PLCB1: variants seen among roughly 807,000 people sequenced by gnomAD.
PLCB1 encodes the protein 1-phosphatidylinositol 4,5-bisphosphate phosphodiesterase beta-1.
PLCB1 carries 46 observed loss-of-function variants against 161.8 expected under a neutral mutation model. The observed-to-expected ratio is 0.28, with a 90% CI of 0.22 to 0.36. The LOEUF (loss-of-function observed/expected upper bound fraction) is 0.36. PLCB1 is among the 10% of genes least tolerant of loss of function. The pLI is 1.00. For missense variants in PLCB1, 1,016 were observed against 1,472.5 expected, an observed-to-expected ratio of 0.69 and a Z score of 5.07; for synonymous variants, 517 against 503.7, an observed-to-expected ratio of 1.03 and a Z score of -0.35.
At chr20:8,721,041 C>T (rs188653293) in intron 14 of PLCB1, among the ~76,000 whole-genome samples, 186 of 152,222 alleles carry the variant, frequency 1.2e-3, no homozygotes, top group African/African-American at 4.4e-3. Flanking sequence ...TGTGGCTTTC[C>T]TTAATAAACA....
chr20:8,193,132 G>A (rs2051987174), intron 2 of PLCB1, among the ~76,000 whole-genome samples: 1 of 151,984 alleles, frequency 6.6e-6, no homozygotes, highest in South Asian at 2.1e-4. Context: ...GTATTTTGTA[G>A]GAGATGCTGT....
intron 2 of PLCB1, among the ~76,000 whole-genome samples, chr20:8,163,527 C>T (rs1052761237): frequency 5.3e-5 from 8 of 152,194 alleles, no homozygotes; most frequent in South Asian, 4.1e-4. Flanking sequence ...AAATCTATAT[C>T]GCAGTGTGCA....
At chr20:8,689,615 T>C (rs6056017) in intron 10 of PLCB1, among the ~76,000 whole-genome samples, 88,184 of 151,676 alleles carry the variant, frequency 0.58, 27,075 homozygotes, top group South Asian at 0.71. Flanking sequence ...AACCTTATAA[T>C]AGTATTAAGA....
intron 9 of PLCB1, among the ~76,000 whole-genome samples, chr20:8,681,438 G>T (rs535784450): frequency 6.6e-6 from 1 of 152,212 alleles, no homozygotes; most frequent in East Asian, 1.9e-4. Flanking sequence ...ATTGGCCTAT[G>T]TTGTTGTTTT....
At chr20:8,717,628 A>C (rs931180212) in intron 13 of PLCB1, 43 bp from the exon 14 acceptor site, 2 of 1,492,318 alleles carry the variant, frequency 1.3e-6, no homozygotes, top group African/African-American at 2.8e-5. Context: ...GATCTGAAAG[A>C]GGGAGCAGTA....
chr20:8,790,054 T>G, intron 30 of PLCB1, 121 bp from the exon 31 acceptor site: 1 of 673,666 alleles, frequency 1.5e-6, no homozygotes, highest in Non-Finnish European at 2.6e-6. Context: ...AGTGTAGTTC[T>G]TGATCAGGAG....
At chr20:8,672,593 G>A (rs1036100368) in intron 9 of PLCB1, among the ~76,000 whole-genome samples, 4 of 152,028 alleles carry the variant, frequency 2.6e-5, no homozygotes, top group Non-Finnish European at 5.9e-5. Flanking sequence ...TATGCATACC[G>A]AGCAGGGAAG....
intron 31 of PLCB1, among the ~76,000 whole-genome samples, chr20:8,840,080 G>C (rs549164020): frequency 4.2e-4 from 64 of 151,650 alleles, no homozygotes; most frequent in African/African-American, 1.5e-3. Flanking sequence ...AATCAGGGCT[G>C]ATTTATATGT....
chr20:8,763,892 G>T (rs1982173419), intron 25 of PLCB1, among the ~76,000 whole-genome samples: 1 of 151,988 alleles, frequency 6.6e-6, no homozygotes, highest in South Asian at 2.1e-4. Context: ...AGCCAGGCAT[G>T]GTGACTCATG....
chr20:8,648,546 TTTTAAATCAAA>T (rs1277594217), intron 6 of PLCB1, among the ~76,000 whole-genome samples: 1 of 152,200 alleles, frequency 6.6e-6, no homozygotes, highest in Non-Finnish European at 1.5e-5. Flanking sequence ...TAAGTTCTAT[TTTTAAATCAAA>T]TTAGTAACGA....
At chr20:8,670,172 T>C (rs1358727345) in intron 9 of PLCB1, among the ~76,000 whole-genome samples, 1 of 152,234 alleles carries the variant, frequency 6.6e-6, no homozygotes, top group Admixed American at 6.5e-5. Flanking sequence ...ATCTGGATTC[T>C]GTTCTTATCT....
intron 3 of PLCB1, among the ~76,000 whole-genome samples, chr20:8,380,890 C>T (rs1217787983): frequency 6.6e-6 from 1 of 152,108 alleles, no homozygotes. Flanking sequence ...TTGCTGCAGA[C>T]AGAGACAAGT....
At chr20:8,442,076 T>A (rs1235149257) in intron 3 of PLCB1, among the ~76,000 whole-genome samples, 1 of 152,208 alleles carries the variant, frequency 6.6e-6, no homozygotes, top group Non-Finnish European at 1.5e-5. Flanking sequence ...CATTTGTTAA[T>A]GTGTGCATGT....
At chr20:8,871,270 A>G (rs1987599904) in intron 31 of PLCB1, among the ~76,000 whole-genome samples, 1 of 152,220 alleles carries the variant, frequency 6.6e-6, no homozygotes, top group African/African-American at 2.4e-5. Context: ...ACTTACATAT[A>G]TACCTGTAGA....
chr20:8,166,966 T>A (rs2051682138), intron 2 of PLCB1, among the ~76,000 whole-genome samples: 1 of 152,192 alleles, frequency 6.6e-6, no homozygotes. Context: ...GCTCCCGTAT[T>A]AGGTTTTTGA....
At chr20:8,615,364 C>T (rs994353424) in intron 3 of PLCB1, among the ~76,000 whole-genome samples, 3 of 152,164 alleles carry the variant, frequency 2.0e-5, no homozygotes, top group African/African-American at 7.2e-5. Flanking sequence ...TAATACATCA[C>T]GCTTTGGAGA....
chr20:8,879,274 C>T (rs1380399892), intron 31 of PLCB1, among the ~76,000 whole-genome samples: 2 of 147,148 alleles, frequency 1.4e-5, no homozygotes, highest in Non-Finnish European at 3.0e-5. Flanking sequence ...CATACAAGTG[C>T]ATGTCACACA....
intron 2 of PLCB1, among the ~76,000 whole-genome samples, chr20:8,370,286 T>G (rs2122338847): frequency 6.6e-6 from 1 of 152,278 alleles, no homozygotes; most frequent in Admixed American, 6.5e-5. Flanking sequence ...AGCCAGACAT[T>G]TAGGGTTTCC....
chr20:8,135,410 A>G (rs2051335350), intron 1 of PLCB1, among the ~76,000 whole-genome samples: 1 of 152,206 alleles, frequency 6.6e-6, no homozygotes, highest in South Asian at 2.1e-4. Context: ...CAGAGGTTGC[A>G]GTGCCATGCA....
Sources: gnomAD v4.1 joint callset for allele counts (sites outside exome capture counted in the v4.1 genomes callset) on GRCh38, gnomAD v4.1.1 for gene constraint, MANE v1.5 for transcripts, NCBI Gene and HGNC (gene_info 2026-07-23, HGNC 2026-07-21) for gene names.